Variants in ATG7 observed in about 807,000 individuals in gnomAD.
ATG7 encodes autophagy related 7, also known as ubiquitin-like modifier-activating enzyme ATG7.
ATG7 carries 70 observed loss-of-function variants against 82.4 expected under a neutral mutation model. That is an observed-to-expected ratio of 0.85 (90% CI 0.70 to 1.04). The LOEUF is 1.04. ATG7 is among the 50% of genes least tolerant of loss of function. The pLI is 0.00. For synonymous variants in ATG7, 287 were observed against 313.0 expected, an observed-to-expected ratio of 0.92 and a Z score of 0.88; for missense variants, 792 against 864.3, an observed-to-expected ratio of 0.92 and a Z score of 1.05.
chr3:11,559,567 G>C, downstream of ATG7: 3 of 1,381,958 alleles, frequency 2.2e-6, no homozygotes, highest in Non-Finnish European at 2.8e-6. Context: ...TCCTGACCCA[G>C]TCTGCCACCT....
At chr3:11,558,475 AT>A (rs369629845), downstream of ATG7, 106,249 of 701,534 alleles carry the variant, frequency 0.15, 7 homozygotes, top group East Asian at 0.18. Context: ...CACCCCCATG[AT>A]TTTTTTTTTT....
chr3:11,333,331 G>A (rs1046094658), intron 11 of ATG7, among the ~76,000 whole-genome samples: 7 of 152,072 alleles, frequency 4.6e-5, no homozygotes, highest in African/African-American at 1.4e-4. Flanking sequence ...CAGTCTTCAG[G>A]ATTTGTTCCC....
In ATG7 at chr3:11,315,385, A is replaced by G. The variant is rs139590023; in HGVS notation, c.570A>G (p.Thr190=). The G allele has an allele frequency of 3.1e-6, 5 of 1,610,334 alleles. No homozygotes were observed. Among genetic ancestry groups the G allele is most frequent in the East Asian group, 4.5e-5 (2 of 44,834 alleles). ...GTGCATATGATAATCTTTGTCAAAC[A>G]GAAGGAGTCACAGCTCTTCCTTACT... ...LECAYDNLCQ[T]EGVTALPYFL... Residue 190 remains threonine, a synonymous_variant, in exon 9 of 21, where the codon ACA becomes ACG. Coordinates refer to ENST00000693202, the MANE Select transcript of ATG7 (RefSeq NM_001349232.2).
At chr3:11,443,140 G>A (rs1460593906) in intron 20 of ATG7, among the ~76,000 whole-genome samples, 1 of 152,250 alleles carries the variant, frequency 6.6e-6, no homozygotes, top group South Asian at 2.1e-4. Flanking sequence ...GTGTCGCCAT[G>A]CACTCCCTCT....
At chr3:11,346,588 T>C (rs1954584123) in intron 13 of ATG7, 1 of 152,234 alleles carries the variant, frequency 6.6e-6, no homozygotes, top group African/African-American at 2.4e-5. Flanking sequence ...CAAATACACC[T>C]GCATGTGACT....
At chr3:11,573,886 G>T in the ATG7 span, among the ~76,000 whole-genome samples, 1 of 152,172 alleles carries the variant, frequency 6.6e-6, no homozygotes, top group Non-Finnish European at 1.5e-5. Context: ...GGTTATGAGG[G>T]CGTGCTCTAA....
intron 19 of ATG7, among the ~76,000 whole-genome samples, chr3:11,416,192 T>A (rs2081360804): frequency 6.6e-6 from 1 of 152,218 alleles, no homozygotes; most frequent in Admixed American, 6.5e-5. Flanking sequence ...TTATCTGGCT[T>A]TGGTATTAGG....
chr3:11,545,857 GT>G (rs2071236870), intron 20 of ATG7, among the ~76,000 whole-genome samples: 1 of 152,230 alleles, frequency 6.6e-6, no homozygotes, highest in Non-Finnish European at 1.5e-5. Flanking sequence ...AGAAGTGGGG[GT>G]TAGCACCCCC....
At chr3:11,439,866 C>T (rs184087841) in intron 20 of ATG7, among the ~76,000 whole-genome samples, 6 of 152,248 alleles carry the variant, frequency 3.9e-5, no homozygotes, top group East Asian at 1.9e-4. Flanking sequence ...ATTTTCAGGG[C>T]GCTTTTGTAC....
At chr3:11,528,759 G>C (rs1204608685) in intron 20 of ATG7, among the ~76,000 whole-genome samples, 1 of 149,906 alleles carries the variant, frequency 6.7e-6, no homozygotes, top group South Asian at 2.1e-4. Context: ...CCAGGAGGCG[G>C]AGGTTGCAGT....
chr3:11,540,923 G>A (rs1004336989), intron 20 of ATG7, among the ~76,000 whole-genome samples: 2 of 122,334 alleles, frequency 1.6e-5, no homozygotes, highest in Middle Eastern at 3.5e-3. Context: ...GGGGAGGGGG[G>A]GAGTCTTGCT....
chr3:11,305,178 CTCATTATCACTTTTTAA>C (rs1478755972), intron 5 of ATG7, among the ~76,000 whole-genome samples: 1 of 152,234 alleles, frequency 6.6e-6, no homozygotes, highest in Non-Finnish European at 1.5e-5. Context: ...CTCCTTCCCT[CTCATTATCACTTTTTAA>C]ATTCATTTTC....
chr3:11,303,668 TA>T (rs1309840061), intron 5 of ATG7, among the ~76,000 whole-genome samples: 334 of 132,322 alleles, frequency 2.5e-3, no homozygotes, highest in Middle Eastern at 4.0e-3. Context: ...ACTCCGTCTC[TA>T]AAAAAAAAAA....
At chr3:11,331,476 T>C (rs987407527) in intron 10 of ATG7, 48 bp downstream of exon 10, 4 of 1,412,178 alleles carry the variant, frequency 2.8e-6, no homozygotes, top group Non-Finnish European at 4.0e-6. Flanking sequence ...TTTGCCAGTA[T>C]ATGTTTTACA....
chr3:11,408,158 A>G (rs1239288376), intron 19 of ATG7, among the ~76,000 whole-genome samples: 1 of 152,150 alleles, frequency 6.6e-6, no homozygotes, highest in African/African-American at 2.4e-5. Context: ...TCTGCCAGAT[A>G]CTCTAAATCA....
intron 20 of ATG7, among the ~76,000 whole-genome samples, chr3:11,475,782 T>G (rs2088097771): frequency 6.6e-6 from 1 of 152,008 alleles, no homozygotes; most frequent in African/African-American, 2.4e-5. Context: ...CAAAACCTGT[T>G]GACCCATTGA....
At chr3:11,359,404 G>C (rs967747593) in intron 15 of ATG7, among the ~76,000 whole-genome samples, 21 of 152,076 alleles carry the variant, frequency 1.4e-4, no homozygotes, top group African/African-American at 5.1e-4. Context: ...ATGAAAAAAC[G>C]GTTTCTTAAA....
At chr3:11,296,835 C>T (rs1160764142) in intron 3 of ATG7, among the ~76,000 whole-genome samples, 3 of 152,328 alleles carry the variant, frequency 2.0e-5, no homozygotes, top group Admixed American at 6.5e-5. Context: ...ATCTGCTTCA[C>T]GGTGTCTTTC....
At chr3:11,316,470 A>G (rs531180402) in intron 9 of ATG7, among the ~76,000 whole-genome samples, 9 of 152,314 alleles carry the variant, frequency 5.9e-5, no homozygotes, top group African/African-American at 1.9e-4. Flanking sequence ...TCTCTGTCTT[A>G]TTGAAATTCT....
Sources: allele counts gnomAD v4.1 joint callset (sites outside exome capture counted in the v4.1 genomes callset), GRCh38; gene constraint gnomAD v4.1.1; transcripts MANE v1.5; gene names NCBI Gene and HGNC (gene_info 2026-07-23, HGNC 2026-07-21).